The following IQSEC1 variants were observed in gnomAD, a reference collection of about 807,000 sequenced individuals.
IQSEC1 encodes IQ motif and SEC7 domain-containing protein 1.
A neutral mutation model predicts 91.0 loss-of-function variants in IQSEC1; 31 were observed. That is an observed-to-expected ratio of 0.34 (90% confidence interval 0.26 to 0.46). The LOEUF is 0.46. Among genes scored for constraint, IQSEC1 ranks in the 20% least tolerant of loss-of-function variants. The pLI is 1.00. For missense variants in IQSEC1, 1,388 were observed against 1,575.6 expected, an observed-to-expected ratio of 0.88 and a Z score of 2.02; for synonymous variants, 699 against 662.6, an observed-to-expected ratio of 1.05 and a Z score of -0.84.
chr3:13,119,968 A>C (rs1706397208), intron 2 of IQSEC1, among the ~76,000 whole-genome samples: 1 of 152,156 alleles, frequency 6.6e-6, no homozygotes, highest in Non-Finnish European at 1.5e-5. Context: ...AAGGTGGCCA[A>C]CGCTGGAGGT....
rs1168728532 is a variant in IQSEC1 at position 12,899,387 on chromosome 3, G to A, written c.*1596C>T. The A allele has an allele frequency of 1.2e-6, 2 of 1,613,054 alleles. No individual in the cohort carries two copies. Among genetic ancestry groups the A allele is most frequent in the South Asian group, 2.2e-5 (2 of 91,032 alleles). On this transcript the variant is annotated 3_prime_UTR_variant, in exon 14 of 14. Transcript: ENST00000613206. ...CCGGGGGGCAGTCCTCGGGTCCCAT[G>A]GCTTAGGAGCACAGCACTGACGGCT...
intron 1 of IQSEC1, among the ~76,000 whole-genome samples, chr3:13,238,282 CCT>C (rs1177040508): frequency 6.6e-6 from 1 of 152,206 alleles, no homozygotes; most frequent in Non-Finnish European, 1.5e-5. Context: ...TCAACAGCTC[CCT>C]GAGTCCAGAC....
At chr3:12,964,150 T>C (rs1055983873) in intron 1 of IQSEC1, among the ~76,000 whole-genome samples, 1 of 152,268 alleles carries the variant, frequency 6.6e-6, no homozygotes, top group African/African-American at 2.4e-5. Context: ...ATTTCCTCTC[T>C]GCAGCAGCTC....
Position 12,970,807 on chromosome 3 carries a change from T to C in IQSEC1, c.24-28942A>G, listed in dbSNP as rs2125540867. ...GTCCAAGTCAGAAACTCCTTTTACATGGCATCAGGTTACTCTGCACCTGCT... is the reference window on the plus strand; with the variant it reads ...GTCCAAGTCAGAAACTCCTTTTACACGGCATCAGGTTACTCTGCACCTGCT... On this transcript the variant is annotated intron_variant, in intron 1 of 13. Transcript: ENST00000613206. This position sits in a 1 kb window ranked among gnomAD's most constrained non-coding sequence, Gnocchi z 4.4. Among the ~76,000 whole-genome samples the C allele has an allele frequency of 6.6e-6, 1 of 152,348 alleles. No homozygotes were observed. The highest frequency in any genetic ancestry group is 2.4e-5 in the African/African-American group (1 of 41,570).
chr3:13,191,995 T>C (rs1272851277), intron 1 of IQSEC1, among the ~76,000 whole-genome samples: 1 of 152,156 alleles, frequency 6.6e-6, no homozygotes, highest in African/African-American at 2.4e-5. Context: ...ATAATAAATA[T>C]GTTGAAGTTC....
intron 1 of IQSEC1, among the ~76,000 whole-genome samples, chr3:13,243,806 T>C (rs1160105766): frequency 6.6e-6 from 1 of 152,208 alleles, no homozygotes; most frequent in Non-Finnish European, 1.5e-5. Context: ...GGGGGGCGTA[T>C]GGCAGAATGG....
intron 1 of IQSEC1, among the ~76,000 whole-genome samples, chr3:12,945,376 CCA>C (rs1384476112): frequency 6.6e-6 from 1 of 151,962 alleles, no homozygotes; most frequent in Non-Finnish European, 1.5e-5. Context: ...TGACAGTCAC[CCA>C]CAGTCTTCCC....
At chr3:13,028,058 C>T (rs1389835192) in intron 1 of IQSEC1, among the ~76,000 whole-genome samples, 1 of 152,220 alleles carries the variant, frequency 6.6e-6, no homozygotes, top group Non-Finnish European at 1.5e-5. Context: ...CCCATGATTG[C>T]TTCAGCTCCA....
At chr3:13,208,840 C>T (rs775525802) in intron 1 of IQSEC1, among the ~76,000 whole-genome samples, 5 of 152,240 alleles carry the variant, frequency 3.3e-5, no homozygotes, top group Non-Finnish European at 5.9e-5. Context: ...TGCACCCCTG[C>T]GTGCTCACTG....
intron 2 of IQSEC1, among the ~76,000 whole-genome samples, chr3:13,152,917 G>A (rs1707023567): frequency 6.6e-6 from 1 of 152,190 alleles, no homozygotes; most frequent in South Asian, 2.1e-4. Context: ...AGTGTTCTTG[G>A]TTCTTTTCTT....
intron 1 of IQSEC1, among the ~76,000 whole-genome samples, chr3:12,952,004 A>C (rs921495691): frequency 2.0e-5 from 3 of 152,170 alleles, no homozygotes; most frequent in Admixed American, 2.0e-4. Flanking sequence ...GCACTGGCAC[A>C]AAGTGACGGC....
At chr3:13,232,301 T>TG (rs1172521371) in intron 1 of IQSEC1, among the ~76,000 whole-genome samples, 54 of 152,298 alleles carry the variant, frequency 3.5e-4, no homozygotes, top group African/African-American at 1.3e-3. Flanking sequence ...TAGCAGGATC[T>TG]GGGGGGCACC....
At chr3:12,993,965 G>A (rs1438750152) in intron 1 of IQSEC1, among the ~76,000 whole-genome samples, 1 of 151,524 alleles carries the variant, frequency 6.6e-6, no homozygotes, top group Non-Finnish European at 1.5e-5. Flanking sequence ...CGGGGGCGGA[G>A]CTGCCGCCCA....
At chr3:13,102,137 G>C (rs996765294) in intron 2 of IQSEC1, among the ~76,000 whole-genome samples, 6 of 152,088 alleles carry the variant, frequency 3.9e-5, no homozygotes, top group African/African-American at 1.4e-4. Context: ...AATTAGTCAG[G>C]CATGGTGATG....
At chr3:13,185,806 G>A (rs915135300) in intron 1 of IQSEC1, among the ~76,000 whole-genome samples, 2 of 152,240 alleles carry the variant, frequency 1.3e-5, no homozygotes, top group African/African-American at 2.4e-5. Flanking sequence ...TCCATTCTCC[G>A]AGGAGCCAGT....
chr3:13,172,163 C>T (rs959937638), intron 1 of IQSEC1, among the ~76,000 whole-genome samples: 2 of 152,192 alleles, frequency 1.3e-5, no homozygotes, highest in South Asian at 2.1e-4. Flanking sequence ...GATAAACATT[C>T]GTGACACTTT....
rs1057275117 is a variant in IQSEC1, at chr3:12,898,387, G to T, written c.*2596C>A. ...TCACTAGCCTGAAGGAACACACTGAGTGCGGCGGGAAACCCCGGGAAGGGC... is the reference window on the plus strand; with the variant it reads ...TCACTAGCCTGAAGGAACACACTGATTGCGGCGGGAAACCCCGGGAAGGGC... On this transcript the variant is annotated 3_prime_UTR_variant, in exon 14 of 14. Transcript: ENST00000613206. 2 of 152,284 alleles carry T rather than the reference G, an allele frequency of 1.3e-5. No individual in the cohort carries two copies. Among genetic ancestry groups the T allele is most frequent in the African/African-American group, 4.8e-5 (2 of 41,464 alleles). 9.4% of individuals were successfully genotyped at this position (152,284 alleles called of 1,614,324 possible). A position where few individuals can be genotyped will look rare whatever the true frequency, so the allele number is the denominator to read the frequency against.
chr3:13,060,940 C>T lies in IQSEC1; in HGVS notation c.23+12052G>A, dbSNP rs183881645. On this transcript the variant is annotated intron_variant, in intron 1 of 13. Transcript: ENST00000613206. ...GAGAGGAGCTATGTCCCTCATGGAC[C>T]CCAGTTTCCTCTGCATACGGGCTCC... is the stretch of plus-strand genomic sequence containing the variant. Among the ~76,000 whole-genome samples, 5 of 152,314 alleles carry T rather than the reference C, an allele frequency of 3.3e-5. No individual in the cohort carries two copies. The East Asian group carries it at 9.6e-4, about 29-fold the overall frequency.
intron 2 of IQSEC1, among the ~76,000 whole-genome samples, chr3:13,128,769 C>G (rs912736175): frequency 4.0e-5 from 6 of 149,926 alleles, no homozygotes; most frequent in African/African-American, 1.5e-4. Context: ...CCCAGCTACT[C>G]AAGAGGCTGA....
Sources: gnomAD v4.1 joint callset for allele counts (sites outside exome capture counted in the v4.1 genomes callset) on GRCh38, gnomAD v4.1.1 for gene constraint, Gnocchi (gnomAD v3.1) non-coding constraint, MANE v1.5 for transcripts, NCBI Gene and HGNC (gene_info 2026-07-23, HGNC 2026-07-21) for gene names.